Variants in RC3H1 observed in about 807,000 individuals in gnomAD.
RC3H1 encodes the protein ring finger and CCCH-type domains 1, also known as roquin-1.
A neutral mutation model predicts 138.2 loss-of-function variants in RC3H1; 50 were observed. That is an observed-to-expected ratio of 0.36 (90% CI 0.29 to 0.46). The LOEUF is 0.46. RC3H1 is among the 20% of genes least tolerant of loss of function. RC3H1 has a pLI of 1.00. For synonymous variants in RC3H1, 462 were observed against 489.1 expected (o/e 0.94, Z 0.73); for missense variants, 1,031 against 1,388.1 (o/e 0.74, Z 4.09).
chr1:174,007,300 G>T (rs1448394589), intron 1 of RC3H1, among the ~76,000 whole-genome samples: 1 of 151,716 alleles, frequency 6.6e-6, no homozygotes, highest in East Asian at 1.9e-4. Context: ...TGAGGCAGGA[G>T]AATGGCGTGA....
At chr1:174,011,524 T>C in intron 1 of RC3H1, among the ~76,000 whole-genome samples, 1 of 152,094 alleles carries the variant, frequency 6.6e-6, no homozygotes, top group Non-Finnish European at 1.5e-5. Flanking sequence ...TACTTGAATG[T>C]GGAAGACTAC....
chr1:173,981,130 T>G, intron 5 of RC3H1, 121 bp from the exon 6 acceptor site: 1 of 766,982 alleles, frequency 1.3e-6, no homozygotes, highest in Non-Finnish European at 2.1e-6. Flanking sequence ...AATATACCAT[T>G]TGCCTGCAAA....
intron 2 of RC3H1, among the ~76,000 whole-genome samples, chr1:173,986,435 C>T (rs904640309): frequency 6.6e-6 from 1 of 152,212 alleles, no homozygotes; most frequent in Non-Finnish European, 1.5e-5. Flanking sequence ...CACGCCACCA[C>T]ACCCAGCTAA....
At chr1:174,021,340 C>A (rs1661954406) in intron 1 of RC3H1, among the ~76,000 whole-genome samples, 1 of 152,128 alleles carries the variant, frequency 6.6e-6, no homozygotes, top group Non-Finnish European at 1.5e-5. Flanking sequence ...CCAAAAGAGC[C>A]CTTGTTTCAA....
intron 19 of RC3H1, 64 bp downstream of exon 19, chr1:173,941,201 A>G (rs1200856525): frequency 5.6e-6 from 5 of 896,568 alleles, no homozygotes; most frequent in African/African-American, 5.0e-5. Context: ...ATATGACTGG[A>G]TAATATATTA....
intron 8 of RC3H1, among the ~76,000 whole-genome samples, chr1:173,971,853 A>G (rs1356410915): frequency 6.6e-6 from 1 of 152,222 alleles, no homozygotes; most frequent in Non-Finnish European, 1.5e-5. Flanking sequence ...TACCTGAACC[A>G]GGTAAATTAA....
rs529730049 is a variant in RC3H1 at position 174,003,446 on chromosome 1, CTCT to C, written c.-150-10314_-150-10312del. On this transcript the variant is annotated intron_variant, in intron 1 of 19. Coordinates refer to ENST00000367696, the MANE Select transcript of RC3H1 (RefSeq NM_172071.4). The stretch of plus-strand genomic sequence containing the variant: ...GTACGGGGAATCATCCTTGACTACT[CTCT>C]TTTCTCACACCCCTACCCATCAACT... 4.6e-5 allele frequency among the ~76,000 whole-genome samples: 7 copies of C among 151,668 alleles called. No individual in the cohort carries two copies. In the South Asian group the frequency reaches 8.4e-4, roughly 18 times the overall value.
At chr1:173,954,512 G>A (rs1166321390) in intron 13 of RC3H1, among the ~76,000 whole-genome samples, 1 of 152,204 alleles carries the variant, frequency 6.6e-6, no homozygotes, top group Non-Finnish European at 1.5e-5. Context: ...CTATAGCACT[G>A]CAGGGTGAGT....
rs1442607520 is a variant in RC3H1, at chr1:173,932,741, T to C, written c.*5980A>G. The C allele has an allele frequency of 2.0e-5, 3 of 151,990 alleles. No homozygotes were observed. Among genetic ancestry groups the C allele is most frequent in the East Asian group, 3.8e-4 (2 of 5,196 alleles). 9.4% of individuals were successfully genotyped at this position (151,990 alleles called of 1,614,324 possible). A position where few individuals can be genotyped will look rare whatever the true frequency, so the allele number is the denominator to read the frequency against. ...ATTTTATGGGGTAGTTCAGATATTA[T>C]AAGAATGACAGCCAATCAATGGAGA... is the stretch of plus-strand genomic sequence containing the variant. On this transcript the variant is annotated 3_prime_UTR_variant, in exon 20 of 20. Coordinates refer to ENST00000367696, the MANE Select transcript of RC3H1 (RefSeq NM_172071.4).
intron 13 of RC3H1, among the ~76,000 whole-genome samples, chr1:173,958,109 C>T (rs941020776): frequency 1.3e-5 from 2 of 151,784 alleles, no homozygotes; most frequent in African/African-American, 2.4e-5. Flanking sequence ...TAATTCTATA[C>T]ATAAAGGATG....
intron 1 of RC3H1, among the ~76,000 whole-genome samples, chr1:174,019,060 T>G (rs1365661111): frequency 6.6e-6 from 1 of 152,206 alleles, no homozygotes; most frequent in African/African-American, 2.4e-5. Flanking sequence ...TTAAAAAAAT[T>G]TATAAAGTAT....
At chr1:173,994,262 G>A (rs1661406915) in intron 1 of RC3H1, among the ~76,000 whole-genome samples, 1 of 151,434 alleles carries the variant, frequency 6.6e-6, no homozygotes, top group Non-Finnish European at 1.5e-5. Flanking sequence ...GTGTGGTGGT[G>A]CATGGCTGTA....
rs1571218569 is a variant in RC3H1, at chr1:173,980,983, A to T, written c.795T>A (p.Ser265=). ...TAAATTCTTCTTTCAGCTGCATCAA[A>T]GAAGAGTCTTCATCACGTTTGGTGA... ...FKVTKRDEDS[S]LMQLKEEFRT... is the part of the protein sequence containing the mutation. The change falls in exon 6 of 20, where the codon TCT becomes TCA. Residue 265 remains serine, a synonymous_variant. Transcript: ENST00000367696. 6.2e-7 allele frequency: 1 copy of T among 1,613,986 alleles called. No individual in the cohort carries two copies. The highest frequency in any genetic ancestry group is 2.2e-5 in the East Asian group (1 of 44,878).
chr1:173,981,696 C>T (rs937104109), intron 5 of RC3H1, among the ~76,000 whole-genome samples: 8 of 151,996 alleles, frequency 5.3e-5, no homozygotes, highest in African/African-American at 1.7e-4. Context: ...TTAATTTGTA[C>T]TTGGCTTAAT....
At chr1:173,989,178 A>C (rs1160871270) in intron 2 of RC3H1, among the ~76,000 whole-genome samples, 3 of 152,198 alleles carry the variant, frequency 2.0e-5, no homozygotes, top group African/African-American at 7.2e-5. Context: ...GAATACAGGC[A>C]TGTGCCATCA....
In RC3H1 at chr1:173,992,910, G is replaced by T; in HGVS notation, c.76C>A (p.Arg26=). 5.0e-6 allele frequency: 8 copies of T among 1,614,034 alleles called. No homozygotes were observed. Among genetic ancestry groups the T allele is most frequent in the Non-Finnish European group, 6.8e-6 (8 of 1,180,004 alleles). The part of the protein sequence containing the change: ...ICTQTFDETI[R]KPISLGCGHT... ...CCACAACCCAAACTGATGGGCTTTCGAATTGTTTCGTCGAAAGTCTGAGTG... is the reference window on the plus strand; with the variant it reads ...CCACAACCCAAACTGATGGGCTTTCTAATTGTTTCGTCGAAAGTCTGAGTG... The change falls in exon 2 of 20, where the codon CGA becomes AGA. Residue 26 remains arginine (R), a synonymous_variant. Coordinates refer to ENST00000367696, the MANE Select transcript of RC3H1 (RefSeq NM_172071.4).
chr1:174,013,455 T>C (rs944497336), intron 1 of RC3H1, among the ~76,000 whole-genome samples: 6 of 151,456 alleles, frequency 4.0e-5, no homozygotes, highest in Non-Finnish European at 8.9e-5. Context: ...TATATATATA[T>C]TTTTTGAGAC....
chr1:174,014,634 T>C (rs551750552), intron 1 of RC3H1, among the ~76,000 whole-genome samples: 2 of 152,206 alleles, frequency 1.3e-5, no homozygotes, highest in Non-Finnish European at 2.9e-5. Context: ...TTCTAATTTT[T>C]GTTAAACAGA....
In RC3H1 at chr1:173,986,014, C is replaced by T. The variant is rs545463884; in HGVS notation, c.232-1395G>A. 1.0e-3 allele frequency among the ~76,000 whole-genome samples: 153 copies of T among 152,140 alleles called. 1 individual carries two copies. The highest frequency in any genetic ancestry group is 3.3e-3 in the African/African-American group (139 of 41,496). On this transcript the variant is annotated intron_variant, in intron 2 of 19. Coordinates refer to ENST00000367696, the MANE Select transcript of RC3H1 (RefSeq NM_172071.4). ...ATTCTCATTATCCTGTATTCAGTTT[C>T]CCCTATTATTATTATTATTATTTTT...
Sources: allele counts gnomAD v4.1 joint callset (sites outside exome capture counted in the v4.1 genomes callset), GRCh38; gene constraint gnomAD v4.1.1; transcripts MANE v1.5; gene names NCBI Gene and HGNC (gene_info 2026-07-23, HGNC 2026-07-21).